Variants in DENND1B observed in about 807,000 individuals in gnomAD.
DENND1B encodes DENN domain containing 1B.
In DENND1B, 59 loss-of-function variants were observed where a neutral mutation model predicts 90.1. The observed-to-expected ratio is 0.65, with a 90% confidence interval of 0.53 to 0.81. The LOEUF (loss-of-function observed/expected upper bound fraction) is 0.81, where lower values mean the gene tolerates loss of function less well. Ranked by LOEUF, DENND1B falls within the 40% of genes least tolerant of loss-of-function variation. DENND1B has a pLI of 0.00. For synonymous variants in DENND1B, 337 were observed against 324.6 expected, an observed-to-expected ratio of 1.04 and a Z score of -0.41; for missense variants, 862 against 912.6, an observed-to-expected ratio of 0.94 and a Z score of 0.71.
At chr1:197,625,233 T>C (rs1172870273) in intron 10 of DENND1B, among the ~76,000 whole-genome samples, 1 of 151,724 alleles carries the variant, frequency 6.6e-6, no homozygotes, top group Non-Finnish European at 1.5e-5. Flanking sequence ...AAAGTTGAAA[T>C]GAAGGAAAAA....
At chr1:197,704,612 C>G (rs1659343708) in intron 3 of DENND1B, among the ~76,000 whole-genome samples, 1 of 152,184 alleles carries the variant, frequency 6.6e-6, no homozygotes, top group African/African-American at 2.4e-5. Context: ...AGTTGTCCCA[C>G]TGGTTCCTCA....
At chr1:197,745,616 T>TATTA (rs1553341813) in intron 2 of DENND1B, among the ~76,000 whole-genome samples, 1 of 71,818 alleles carries the variant, frequency 1.4e-5, no homozygotes, top group African/African-American at 6.9e-5. Flanking sequence ...CATATATATA[T>TATTA]TATATATATA....
intron 1 of DENND1B, among the ~76,000 whole-genome samples, chr1:197,774,185 A>C (rs1439207239): frequency 3.3e-5 from 5 of 152,138 alleles, no homozygotes; most frequent in African/African-American, 4.8e-5. Context: ...TGTCAAACAC[A>C]CTGAAGAAAA....
intron 20 of DENND1B, among the ~76,000 whole-genome samples, chr1:197,537,289 T>C (rs1173166209): frequency 6.6e-6 from 1 of 152,148 alleles, no homozygotes; most frequent in African/African-American, 2.4e-5. Flanking sequence ...TCTTAAAGAA[T>C]AAGCCCTACT....
At chr1:197,770,681 CAT>C (rs1470852487) in intron 2 of DENND1B, among the ~76,000 whole-genome samples, 1 of 137,520 alleles carries the variant, frequency 7.3e-6, no homozygotes, top group African/African-American at 2.7e-5. Flanking sequence ...TATAAATATA[CAT>C]ATCTATAAAT....
chr1:197,610,267 T>C (rs940218661), intron 12 of DENND1B, among the ~76,000 whole-genome samples: 3 of 150,756 alleles, frequency 2.0e-5, no homozygotes, highest in Non-Finnish European at 4.5e-5. Flanking sequence ...TGGATTATTC[T>C]CTAAGACAAC....
intron 7 of DENND1B, 39 bp from the exon 8 acceptor site, chr1:197,647,153 T>A (rs1252865645): frequency 1.5e-6 from 2 of 1,354,284 alleles, no homozygotes; most frequent in Non-Finnish European, 1.9e-6. Flanking sequence ...TATTTTACTT[T>A]CATGGGAGAA....
At chr1:197,685,996 G>A (rs549986224) in intron 3 of DENND1B, among the ~76,000 whole-genome samples, 1 of 152,202 alleles carries the variant, frequency 6.6e-6, no homozygotes, top group East Asian at 1.9e-4. Context: ...ACGATAAACT[G>A]AAATATGAAT....
At chr1:197,746,913 G>A (rs950615075) in intron 2 of DENND1B, 29 of 1,588,012 alleles carry the variant, frequency 1.8e-5, no homozygotes, top group Non-Finnish European at 2.2e-5. Flanking sequence ...CCAAGCTCTC[G>A]AGTAGCTAGC....
chr1:197,568,294 G>A (rs1394169105), intron 15 of DENND1B, among the ~76,000 whole-genome samples: 1 of 152,044 alleles, frequency 6.6e-6, no homozygotes, highest in Non-Finnish European at 1.5e-5. Context: ...AACCAAAGAA[G>A]TGAAAGACCT....
intron 14 of DENND1B, among the ~76,000 whole-genome samples, chr1:197,593,256 T>C (rs1416644971): frequency 6.7e-6 from 1 of 149,782 alleles, no homozygotes; most frequent in Non-Finnish European, 1.5e-5. Context: ...AAATGGAAAA[T>C]AATCATCTAA....
chr1:197,578,840 CA>C (rs1265041464), intron 15 of DENND1B, among the ~76,000 whole-genome samples: 105 of 143,120 alleles, frequency 7.3e-4, no homozygotes, highest in Non-Finnish European at 6.6e-4. Context: ...AAGTATAATA[CA>C]AAAAAAAAAA....
intron 20 of DENND1B, among the ~76,000 whole-genome samples, chr1:197,513,935 T>C (rs1668219118): frequency 6.6e-6 from 1 of 151,662 alleles, no homozygotes; most frequent in South Asian, 2.1e-4. Flanking sequence ...TTCATCTTCC[T>C]TTGATTTTGG....
chr1:197,689,421 G>A (rs1657616617), intron 3 of DENND1B: 1 of 152,142 alleles, frequency 6.6e-6, no homozygotes, highest in South Asian at 2.1e-4. Context: ...TACAACTCAA[G>A]ATGAGATTTG....
At chr1:197,628,968 C>T (rs1480558095) in intron 10 of DENND1B, among the ~76,000 whole-genome samples, 1 of 152,024 alleles carries the variant, frequency 6.6e-6, no homozygotes, top group Non-Finnish European at 1.5e-5. Context: ...AAATAAAAAC[C>T]ACAATGAGAT....
chr1:197,638,065 A>C (rs1388538415), intron 10 of DENND1B, among the ~76,000 whole-genome samples: 1 of 152,200 alleles, frequency 6.6e-6, no homozygotes, highest in African/African-American at 2.4e-5. Context: ...TAAACCTGTA[A>C]AATCTATATT....
intron 15 of DENND1B, among the ~76,000 whole-genome samples, chr1:197,554,100 TACACACACAC>T (rs4026509): frequency 0.053 from 7,464 of 139,908 alleles, 222 homozygotes; most frequent in East Asian, 0.071. Context: ...TCAATGATTA[TACACACACAC>T]ACACACACAC....
chr1:197,745,226 C>A (rs1284835557), intron 2 of DENND1B, among the ~76,000 whole-genome samples: 1 of 152,222 alleles, frequency 6.6e-6, no homozygotes, highest in Non-Finnish European at 1.5e-5. Flanking sequence ...TTTGCATTCA[C>A]AACCTGACAC....
At chr1:197,700,019 A>C (rs1658861146) in intron 3 of DENND1B, among the ~76,000 whole-genome samples, 1 of 152,234 alleles carries the variant, frequency 6.6e-6, no homozygotes, top group Non-Finnish European at 1.5e-5. Context: ...CAATATCATG[A>C]AGATGGCCAT....
Sources: allele counts gnomAD v4.1 joint callset (sites outside exome capture counted in the v4.1 genomes callset), GRCh38; gene constraint gnomAD v4.1.1; transcripts MANE v1.5; gene names NCBI Gene and HGNC (gene_info 2026-07-23, HGNC 2026-07-21).